The following PDE2A variants were observed in gnomAD, a reference collection of about 807,000 sequenced individuals.
PDE2A encodes the protein cGMP-dependent 3',5'-cyclic phosphodiesterase.
PDE2A carries 53 observed loss-of-function variants against 133.6 expected under a neutral mutation model. The observed-to-expected ratio is 0.40, with a 90% CI of 0.32 to 0.50. The LOEUF is 0.50. Ranked by LOEUF, PDE2A falls within the 20% of genes least tolerant of loss-of-function variation. PDE2A has a pLI of 0.73. For missense variants in PDE2A, 796 were observed against 1,232.4 expected, an observed-to-expected ratio of 0.65 and a Z score of 5.30; for synonymous variants, 491 against 490.2, an observed-to-expected ratio of 1.00 and a Z score of -0.02.
chr11:72,623,708 A>G (rs1400959704), intron 2 of PDE2A, among the ~76,000 whole-genome samples: 1 of 152,010 alleles, frequency 6.6e-6, no homozygotes, highest in East Asian at 1.9e-4. Flanking sequence ...TTGGTTCTTC[A>G]AGCCAGAACC....
At chr11:72,622,678 T>C (rs1032404542) in intron 2 of PDE2A, among the ~76,000 whole-genome samples, 1 of 152,178 alleles carries the variant, frequency 6.6e-6, no homozygotes, top group African/African-American at 2.4e-5. Flanking sequence ...GAATGGTGGG[T>C]GCCAGGAGCT....
intron 21 of PDE2A, chr11:72,582,201 G>C: frequency 1.6e-6 from 1 of 608,038 alleles, no homozygotes; most frequent in Non-Finnish European, 2.9e-6. Context: ...AAACCCTGAG[G>C]TCACATGCCC....
At chr11:72,644,072 G>T (rs546868813) in intron 1 of PDE2A, among the ~76,000 whole-genome samples, 1 of 152,144 alleles carries the variant, frequency 6.6e-6, no homozygotes, top group Non-Finnish European at 1.5e-5. Flanking sequence ...CCAGGCCTTT[G>T]CCCATGCCAC....
intron 1 of PDE2A, among the ~76,000 whole-genome samples, chr11:72,666,136 AGCCAG>A (rs1020977775): frequency 6.6e-6 from 1 of 152,160 alleles, no homozygotes; most frequent in Non-Finnish European, 1.5e-5. Context: ...GCATGGAAAT[AGCCAG>A]GTGCAGGAGG....
In PDE2A at chr11:72,589,929, T is replaced by TC. The variant is rs1333951282; in HGVS notation, c.808dup (p.Asp270GlyfsTer57). 1 of 1,613,162 alleles carries TC rather than the reference T, an allele frequency of 6.2e-7. No homozygotes were observed. Among genetic ancestry groups the TC allele is most frequent in the East Asian group, 2.2e-5 (1 of 44,808 alleles). ...CACCTTGCAAGAAAGCTGGAGATTG[T>TC]CCTCCGACACCAGCAGGAGGCAGCA... On this transcript the variant is annotated frameshift_variant, in exon 10 of 31. Transcript: ENST00000334456. LOFTEE classifies it high-confidence loss of function.
chr11:72,642,195 C>A, intron 2 of PDE2A, 59 bp downstream of exon 2: 2 of 1,387,454 alleles, frequency 1.4e-6, no homozygotes, highest in Non-Finnish European at 9.4e-7. Context: ...CGGGCAGACC[C>A]GGCCCGGCGC....
intron 2 of PDE2A, among the ~76,000 whole-genome samples, chr11:72,641,034 C>T (rs547398261): frequency 5.3e-5 from 8 of 152,294 alleles, no homozygotes; most frequent in Admixed American, 2.6e-4. Flanking sequence ...GCAACCCAGC[C>T]CGTGCTACAC....
chr11:72,632,062 C>G (rs1475364673), intron 2 of PDE2A, among the ~76,000 whole-genome samples: 4 of 152,154 alleles, frequency 2.6e-5, no homozygotes, highest in Admixed American at 1.3e-4. Context: ...AGACACCCAT[C>G]CCTGCTAGTC....
At chr11:72,630,336 G>A (rs2135414932) in intron 2 of PDE2A, among the ~76,000 whole-genome samples, 1 of 152,288 alleles carries the variant, frequency 6.6e-6, no homozygotes, top group South Asian at 2.1e-4. Context: ...ACAGCACGGT[G>A]GGCGACAGAC....
intron 1 of PDE2A, among the ~76,000 whole-genome samples, chr11:72,644,329 T>C (rs1185176015): frequency 2.0e-5 from 3 of 152,340 alleles, no homozygotes; most frequent in African/African-American, 4.8e-5. Flanking sequence ...ATTAACACTG[T>C]AGAAAAAATT....
chr11:72,635,867 T>C, intron 2 of PDE2A: 1 of 569,060 alleles, frequency 1.8e-6, no homozygotes, highest in Non-Finnish European at 2.4e-6. Flanking sequence ...GGGGCGATAC[T>C]GCTCTTCAGC....
rs148602659 is a variant in PDE2A, at chr11:72,674,139, C to T, written c.69G>A (p.Glu23=). The T allele has an allele frequency of 1.2e-4, 188 of 1,613,164 alleles. No individual in the cohort carries two copies. The highest frequency in any genetic ancestry group is 1.5e-4 in the Non-Finnish European group (178 of 1,179,812). ...SQQYPAARPA[E]PRGQQVFLKP... ...CCCCAGCCCCTCACTATACTCACGG[C>T]TCAGCCGGTCGCGCTGCCGGGTACT... Residue 23 remains glutamate (E), a splice_region_variant and synonymous_variant, in exon 1 of 31, where the codon GAG becomes GAA. Coordinates refer to ENST00000334456, the MANE Select transcript of PDE2A (RefSeq NM_002599.5).
chr11:72,652,593 G>A lies in PDE2A; in HGVS notation c.72-10267C>T, dbSNP rs559246188. ...TTAAACAACTTTAAAGGGGAAGGGA[G>A]GGGAATGGCCATTGATGACCACCTA... On this transcript the variant is annotated intron_variant, in intron 1 of 30. Coordinates refer to ENST00000334456, the MANE Select transcript of PDE2A (RefSeq NM_002599.5). The A allele has an allele frequency of 7.1e-4, 322 of 456,290 alleles. 2 individuals carry two copies. The highest frequency in any genetic ancestry group is 4.7e-3 in the South Asian group (306 of 64,566). 28.3% of individuals were successfully genotyped at this position (456,290 alleles called of 1,614,324 possible). A position where few individuals can be genotyped will look rare whatever the true frequency, so the allele number is the denominator to read the frequency against.
At chr11:72,661,719 G>T (rs973114555) in intron 1 of PDE2A, among the ~76,000 whole-genome samples, 1 of 152,210 alleles carries the variant, frequency 6.6e-6, no homozygotes, top group Non-Finnish European at 1.5e-5. Flanking sequence ...CTGCACAGGT[G>T]GGGAACCACA....
At chr11:72,601,571 G>A (rs1856753924) in intron 4 of PDE2A, among the ~76,000 whole-genome samples, 1 of 152,112 alleles carries the variant, frequency 6.6e-6, no homozygotes, top group African/African-American at 2.4e-5. Context: ...AGCCAGCCTG[G>A]GCCGAGGTGG....
At chr11:72,589,442 G>C (rs1345860069) in intron 11 of PDE2A, among the ~76,000 whole-genome samples, 2 of 152,092 alleles carry the variant, frequency 1.3e-5, no homozygotes, top group Admixed American at 6.5e-5. Flanking sequence ...CCCTAACTAC[G>C]AGAGAGATAA....
chr11:72,626,213 C>T (rs758797040), intron 2 of PDE2A, among the ~76,000 whole-genome samples: 23 of 152,248 alleles, frequency 1.5e-4, no homozygotes, highest in Non-Finnish European at 5.9e-5. Flanking sequence ...GCAGGACCTG[C>T]GATGCCCATC....
At chr11:72,583,727 A>G (rs189323766) in intron 19 of PDE2A, among the ~76,000 whole-genome samples, 1 of 152,026 alleles carries the variant, frequency 6.6e-6, no homozygotes, top group African/African-American at 2.4e-5. Flanking sequence ...TTCTCCCAGC[A>G]TTTGGTCTGG....
At chr11:72,615,798 C>T (rs1857442191) in intron 2 of PDE2A, among the ~76,000 whole-genome samples, 1 of 152,148 alleles carries the variant, frequency 6.6e-6, no homozygotes, top group African/African-American at 2.4e-5. Flanking sequence ...AGGCAGCTCG[C>T]GGCAGTCACA....
Sources: allele counts gnomAD v4.1 joint callset (sites outside exome capture counted in the v4.1 genomes callset), GRCh38; gene constraint gnomAD v4.1.1; transcripts MANE v1.5; gene names NCBI Gene and HGNC (gene_info 2026-07-23, HGNC 2026-07-21).